Variants in NEBL observed in about 807,000 individuals in gnomAD.
NEBL encodes LIM and SH3 protein 2.
Under a neutral mutation model 140.2 loss-of-function variants are expected in NEBL, and 122 were observed. That is an observed-to-expected ratio of 0.87 (90% CI 0.75 to 1.01). The LOEUF is 1.01. NEBL is among the 50% of genes least tolerant of loss of function. The pLI, the probability that NEBL is intolerant of heterozygous loss-of-function variation, is 0.00. For synonymous variants in NEBL, 436 were observed against 398.9 expected, an observed-to-expected ratio of 1.09 and a Z score of -1.11; for missense variants, 1,365 against 1,231.3, an observed-to-expected ratio of 1.11 and a Z score of -1.62.
intron 3 of NEBL, among the ~76,000 whole-genome samples, chr10:20,981,085 C>G (rs1199680444): frequency 6.6e-6 from 1 of 151,684 alleles, no homozygotes. Context: ...CCACTGTGCC[C>G]AGCCCCAACA....
chr10:20,812,636 C>A lies in NEBL; in HGVS notation c.2518+133G>T, dbSNP rs1157318888. On this transcript the variant is annotated intron_variant, in intron 24 of 27. Transcript: ENST00000377122. ...TCGTACAAAAATAATACTTTACCTG[C>A]GGTCCATTTTAAATTGGGTACCACA... 6.7e-6 allele frequency: 7 copies of A among 1,044,454 alleles called. No homozygotes were observed. The African/African-American group carries it at 7.9e-5, about 12-fold the overall frequency. The allele number at this position is 1,044,454 out of a possible 1,614,324, so 64.7% of individuals were successfully genotyped here.
chr10:21,122,083 T>C (rs2132046430), intron 2 of NEBL, among the ~76,000 whole-genome samples: 1 of 152,092 alleles, frequency 6.6e-6, no homozygotes, highest in South Asian at 2.1e-4. Context: ...TGGAATGCAG[T>C]GGCACGATCT....
chr10:21,119,798 TC>T (rs536435791), intron 2 of NEBL, among the ~76,000 whole-genome samples: 89 of 152,268 alleles, frequency 5.8e-4, no homozygotes, highest in African/African-American at 2.1e-3. Context: ...CCAAGAAATG[TC>T]CTTGATAGCT....
chr10:21,029,240 G>T, intron 2 of NEBL: 1 of 1,535,424 alleles, frequency 6.5e-7, no homozygotes. Flanking sequence ...CCGGCTGCTC[G>T]GGAACCCAAT....
At chr10:21,194,763 C>T (rs1841623093) in intron 3 of NEBL, among the ~76,000 whole-genome samples, 1 of 152,156 alleles carries the variant, frequency 6.6e-6, no homozygotes. Context: ...TTTGCATAAG[C>T]TACTTTGGTT....
At chr10:21,082,457 A>C (rs1836410214) in intron 2 of NEBL, among the ~76,000 whole-genome samples, 3 of 150,662 alleles carry the variant, frequency 2.0e-5, no homozygotes, top group African/African-American at 7.4e-5. Context: ...ACTTACTTTC[A>C]AGTGATTTCA....
intron 3 of NEBL, among the ~76,000 whole-genome samples, chr10:21,202,650 G>T (rs1417187880): frequency 6.6e-5 from 10 of 151,588 alleles, no homozygotes. Context: ...TTATAGTAGA[G>T]ACGGGGTTTC....
chr10:21,118,467 A>G (rs531059728), intron 2 of NEBL, among the ~76,000 whole-genome samples: 5 of 152,180 alleles, frequency 3.3e-5, no homozygotes, highest in Non-Finnish European at 7.4e-5. Flanking sequence ...ACAAGATAAT[A>G]GCACAGTATG....
intron 4 of NEBL, among the ~76,000 whole-genome samples, chr10:20,929,080 C>T (rs1208654839): frequency 6.6e-6 from 1 of 151,998 alleles, no homozygotes; most frequent in Non-Finnish European, 1.5e-5. Context: ...ACCTCCATAC[C>T]TACCATTTTG....
intron 1 of NEBL, among the ~76,000 whole-genome samples, chr10:21,282,167 G>A (rs1843001012): frequency 6.6e-6 from 1 of 152,190 alleles, no homozygotes; most frequent in South Asian, 2.1e-4. Context: ...AACAATGGAA[G>A]AGGAATTCCA....
chr10:20,899,312 G>T, upstream of NEBL: 1 of 1,007,888 alleles, frequency 9.9e-7, no homozygotes, highest in Non-Finnish European at 1.4e-6. Context: ...CACACCTTTT[G>T]GCTCATATTT....
At chr10:21,287,400 G>T (rs1843071388) in intron 1 of NEBL, among the ~76,000 whole-genome samples, 1 of 152,152 alleles carries the variant, frequency 6.6e-6, no homozygotes, top group Non-Finnish European at 1.5e-5. Context: ...GCCAGGCAGG[G>T]TGGCATGTTC....
At chr10:20,882,822 C>A (rs1194203622) in intron 4 of NEBL, among the ~76,000 whole-genome samples, 1 of 152,096 alleles carries the variant, frequency 6.6e-6, no homozygotes, top group African/African-American at 2.4e-5. Flanking sequence ...AAAACTTCCA[C>A]TGAAAGAGAA....
At chr10:20,891,416 GA>G (rs1847020050) in intron 2 of NEBL, among the ~76,000 whole-genome samples, 1 of 152,076 alleles carries the variant, frequency 6.6e-6, no homozygotes, top group Non-Finnish European at 1.5e-5. Flanking sequence ...ATCATATGGA[GA>G]AAAAAGTATC....
At chr10:21,282,517 A>G (rs975520782) in intron 1 of NEBL, among the ~76,000 whole-genome samples, 1 of 151,914 alleles carries the variant, frequency 6.6e-6, no homozygotes, top group Non-Finnish European at 1.5e-5. Flanking sequence ...GGCAGGGGGG[A>G]AAAAAAAGAA....
chr10:20,840,928 G>T, intron 12 of NEBL, 79 bp from the exon 13 acceptor site: 1 of 842,206 alleles, frequency 1.2e-6, no homozygotes, highest in Non-Finnish European at 2.0e-6. Flanking sequence ...GTTTTCTAGA[G>T]ATCACAGAAA....
intron 8 of NEBL, among the ~76,000 whole-genome samples, chr10:20,859,094 G>A (rs2131140377): frequency 6.6e-6 from 1 of 152,110 alleles, no homozygotes; most frequent in South Asian, 2.1e-4. Flanking sequence ...TACTTGAGAA[G>A]GAAATCTAAA....
intron 2 of NEBL, among the ~76,000 whole-genome samples, chr10:21,066,066 T>C (rs1275156333): frequency 6.6e-6 from 1 of 152,188 alleles, no homozygotes; most frequent in African/African-American, 2.4e-5. Flanking sequence ...CCATCAGTCT[T>C]TCCATATGAG....
chr10:20,998,456 A>G (rs986107179), intron 3 of NEBL, among the ~76,000 whole-genome samples: 1 of 152,162 alleles, frequency 6.6e-6, no homozygotes, highest in Non-Finnish European at 1.5e-5. Context: ...TTCATCTAGA[A>G]TCTATGGGGA....
Sources: allele counts gnomAD v4.1 joint callset (sites outside exome capture counted in the v4.1 genomes callset), GRCh38; gene constraint gnomAD v4.1.1; transcripts MANE v1.5; gene names NCBI Gene and HGNC (gene_info 2026-07-23, HGNC 2026-07-21).